NOCT: variants seen among roughly 807,000 people sequenced by gnomAD.
The protein encoded by NOCT is CCR4 carbon catabolite repression 4-like.
A neutral mutation model predicts 35.0 loss-of-function variants in NOCT; 18 were observed. That is an observed-to-expected ratio of 0.51 (90% CI 0.36 to 0.76). The LOEUF is 0.76. Among genes scored for constraint, NOCT ranks in the 30% least tolerant of loss-of-function variants. The pLI is 0.01. For missense variants in NOCT, 479 were observed against 541.0 expected (o/e 0.89, Z 1.14); for synonymous variants, 235 against 226.3 (o/e 1.04, Z -0.34).
intron 1 of NOCT, among the ~76,000 whole-genome samples, chr4:139,020,991 C>CA (rs1314663716): frequency 6.7e-6 from 1 of 149,972 alleles, no homozygotes; most frequent in Non-Finnish European, 1.5e-5. Flanking sequence ...CACTTGAACC[C>CA]AGGAGGCGGA....
At chr4:139,032,051 A>G (rs1347047119) in intron 1 of NOCT, among the ~76,000 whole-genome samples, 1 of 152,178 alleles carries the variant, frequency 6.6e-6, no homozygotes, top group Non-Finnish European at 1.5e-5. Context: ...GGTATTGCCA[A>G]ATGGGAGTTT....
At chr4:139,041,213 A>T (rs1241500940) in intron 1 of NOCT, among the ~76,000 whole-genome samples, 1 of 152,216 alleles carries the variant, frequency 6.6e-6, no homozygotes, top group Non-Finnish European at 1.5e-5. Flanking sequence ...TTGCATCCTC[A>T]TTGACCTTAA....
In NOCT at chr4:139,045,087, C is replaced by G; in HGVS notation, c.909C>G (p.Asp303Glu). The change falls in exon 3 of 3, where the codon GAC becomes GAG. Residue 303 changes from aspartate (D) to glutamate (E), a missense_variant. Asp to Glu is a conservative substitution (Grantham distance 45). Coordinates refer to ENST00000280614, the MANE Select transcript of NOCT (RefSeq NM_012118.4). ...WERFRSAQGCDLLQNLQNITQ... is the reference protein window; with the variant it reads ...WERFRSAQGCELLQNLQNITQ... The stretch of plus-strand genomic sequence containing the variant: ...GGTTTCGATCAGCTCAAGGCTGTGA[C>G]CTCCTTCAGAACCTGCAAAACATCA... The G allele has an allele frequency of 6.2e-7, 1 of 1,614,152 alleles. No individual in the cohort carries two copies. The highest frequency in any genetic ancestry group is 1.1e-5 in the South Asian group (1 of 91,086).
chr4:139,018,651 A>G (rs966250506), intron 1 of NOCT, among the ~76,000 whole-genome samples: 2 of 152,262 alleles, frequency 1.3e-5, no homozygotes, highest in Non-Finnish European at 2.9e-5. Flanking sequence ...AATGTCTCAC[A>G]CAATGTAGGT....
intron 1 of NOCT, among the ~76,000 whole-genome samples, chr4:139,034,027 G>A (rs969812713): frequency 3.9e-5 from 6 of 152,072 alleles, no homozygotes; most frequent in African/African-American, 1.4e-4. Context: ...CATAATAAGC[G>A]TATCTGCTTC....
intron 2 of NOCT, chr4:139,043,888 C>G (rs914930186): frequency 5.3e-5 from 8 of 151,734 alleles, no homozygotes; most frequent in Admixed American, 2.0e-4. Flanking sequence ...GCACTGCAGC[C>G]TGGGCAACAA....
chr4:139,033,655 G>A (rs1726666050), intron 1 of NOCT, among the ~76,000 whole-genome samples: 1 of 151,824 alleles, frequency 6.6e-6, no homozygotes, highest in Non-Finnish European at 1.5e-5. Flanking sequence ...TCCAGCCTGG[G>A]CAATGGAGTG....
At chr4:139,039,170 CAAAAAA>C (rs59445691) in intron 1 of NOCT, among the ~76,000 whole-genome samples, 6 of 91,366 alleles carry the variant, frequency 6.6e-5, no homozygotes, top group Middle Eastern at 7.6e-3. Flanking sequence ...GACTCCATTT[CAAAAAA>C]AAAAAAAAAA....
At position 139,016,073 on chromosome 4, in the gene NOCT, C is replaced by T. The variant is rs1394550208; in HGVS notation, c.92C>T (p.Pro31Leu). 2.2e-6 allele frequency: 3 copies of T among 1,389,586 alleles called. No individual in the cohort carries two copies. The highest frequency in any genetic ancestry group is 2.8e-6 in the Non-Finnish European group (3 of 1,069,826). 86.1% of individuals were successfully genotyped at this position (1,389,586 alleles called of 1,614,324 possible). A position where few individuals can be genotyped will look rare whatever the true frequency, so the allele number is the denominator to read the frequency against. Residue 31 changes from proline (P) to leucine (L), a missense_variant, in exon 1 of 3, where the codon CCG becomes CTG. Around this residue, in one of 2 missense-constraint regions of NOCT, gnomAD observed 265 missense variants for 257.0 expected, o/e 1.03. Coordinates refer to ENST00000280614, the MANE Select transcript of NOCT (RefSeq NM_012118.4). ...RRLPAPGLRR[P>L]LSPPAAVPRP... ...CTGCCCGCCCCAGGGCTGCGCCGCC[C>T]GTTGTCCCCGCCGGCTGCTGTTCCC...
chr4:139,023,197 A>G (rs1726447791), intron 1 of NOCT, among the ~76,000 whole-genome samples: 2 of 151,930 alleles, frequency 1.3e-5, no homozygotes, highest in Admixed American at 1.3e-4. Flanking sequence ...CATCCTTTCT[A>G]GCTGTCTTCC....
chr4:139,017,569 G>C (rs964470938), intron 1 of NOCT, among the ~76,000 whole-genome samples: 1 of 147,546 alleles, frequency 6.8e-6, no homozygotes, highest in Non-Finnish European at 1.5e-5. Flanking sequence ...GGTGGCTCAC[G>C]CCTGTAATCC....
Position 139,044,748 on chromosome 4 carries a change from A to T in NOCT, c.570A>T (p.Ile190=). ...AAATCCTGGCCTACCAGCCTGATATATTGTGCCTCCAAGAGGTGGACCACT... is the reference window on the plus strand; with the variant it reads ...AAATCCTGGCCTACCAGCCTGATATTTTGTGCCTCCAAGAGGTGGACCACT... ...LEEILAYQPD[I]LCLQEVDHYF... is the part of the protein sequence containing the mutation. Residue 190 remains isoleucine (I), a synonymous_variant, in exon 3 of 3, where the codon ATA becomes ATT. Coordinates refer to ENST00000280614, the MANE Select transcript of NOCT (RefSeq NM_012118.4). 1 of 1,614,166 alleles carries T rather than the reference A, an allele frequency of 6.2e-7. No homozygotes were observed. Among genetic ancestry groups the T allele is most frequent in the East Asian group, 2.2e-5 (1 of 44,886 alleles).
At chr4:139,021,957 C>T (rs939192659) in intron 1 of NOCT, among the ~76,000 whole-genome samples, 2 of 151,974 alleles carry the variant, frequency 1.3e-5, no homozygotes. Context: ...CAGGGTTTCA[C>T]CATGTTGGTC....
At chr4:139,024,250 G>A (rs1438600437) in intron 1 of NOCT, among the ~76,000 whole-genome samples, 3 of 151,668 alleles carry the variant, frequency 2.0e-5, no homozygotes, top group Non-Finnish European at 4.4e-5. Flanking sequence ...GTAGAGACAC[G>A]GGTCTCAGCT....
intron 1 of NOCT, among the ~76,000 whole-genome samples, chr4:139,035,951 G>A (rs1047864031): frequency 1.3e-5 from 2 of 152,010 alleles, no homozygotes; most frequent in African/African-American, 2.4e-5. Flanking sequence ...ACCACCTCCC[G>A]GTCTCTGCTC....
chr4:139,031,035 G>A (rs1726613992), intron 1 of NOCT, among the ~76,000 whole-genome samples: 1 of 152,178 alleles, frequency 6.6e-6, no homozygotes, highest in Non-Finnish European at 1.5e-5. Flanking sequence ...CAAACTGTGA[G>A]AGAAGTAATT....
intron 1 of NOCT, among the ~76,000 whole-genome samples, chr4:139,021,778 T>TA (rs1553945989): frequency 2.6e-5 from 4 of 151,324 alleles, no homozygotes; most frequent in East Asian, 1.9e-4. Context: ...TTTTTTTTTT[T>TA]AGACAGTTTT....
At chr4:139,027,236 G>A (rs1181981452) in intron 1 of NOCT, among the ~76,000 whole-genome samples, 2 of 150,348 alleles carry the variant, frequency 1.3e-5, no homozygotes, top group East Asian at 2.0e-4. Flanking sequence ...GTGCAGTGGC[G>A]CAGAGCCAGC....
chr4:139,015,856 C>T lies in NOCT; in HGVS notation c.-126C>T. 3 of 731,666 alleles carry T rather than the reference C, an allele frequency of 4.1e-6. No individual in the cohort carries two copies. The highest frequency in any genetic ancestry group is 5.6e-6 in the Non-Finnish European group (3 of 539,302). The allele number at this position is 731,666 out of a possible 1,614,324, so 45.3% of individuals were successfully genotyped here. On this transcript the variant is annotated 5_prime_UTR_variant, in exon 1 of 3. Transcript: ENST00000280614. ...CGGGATTTCCCCAGAACCTGCGCCG[C>T]GCGAGAAGGAGCCTGGGAGCATCCG...
Sources: gnomAD v4.1 joint callset for allele counts (sites outside exome capture counted in the v4.1 genomes callset) on GRCh38, gnomAD v4.1.1 for gene constraint, gnomAD v4.1.1 regional missense constraint, MANE v1.5 for transcripts, NCBI Gene and HGNC (gene_info 2026-07-23, HGNC 2026-07-21) for gene names.